The following PSIP1 variants were observed in gnomAD, a reference collection of about 807,000 sequenced individuals.
PSIP1 encodes PC4 and SFRS1-interacting protein.
PSIP1 carries 19 observed loss-of-function variants against 74.7 expected under a neutral mutation model. That is an observed-to-expected ratio of 0.25 (90% CI 0.18 to 0.37). The LOEUF is 0.37. Among genes scored for constraint, PSIP1 ranks in the 10% least tolerant of loss-of-function variants. The pLI, the probability that PSIP1 is intolerant of heterozygous loss-of-function variation, is 1.00. For synonymous variants in PSIP1, 222 were observed against 195.3 expected (o/e 1.14, Z -1.14); for missense variants, 601 against 614.3 (o/e 0.98, Z 0.23).
rs549398356 is a variant in PSIP1 at position 15,486,041 on chromosome 9, T to C, written c.421A>G (p.Thr141Ala). The change falls in exon 6 of 16, where the codon ACT becomes GCT. Residue 141 changes from threonine (T) to alanine (A), a missense_variant. Around this residue, in one of 2 missense-constraint regions of PSIP1, gnomAD observed 538 missense variants for 507.6 expected, o/e 1.06. Coordinates refer to ENST00000380733, the MANE Select transcript of PSIP1 (RefSeq NM_033222.5). ...CTCCCCCTTCTGGCAGCTTTTGGAG[T>C]AGTTATGTCAACTGCTTTAGTCACA... ...EDVTKAVDIT[T>A]PKAARRGRKR... The C allele has an allele frequency of 1.9e-6, 3 of 1,609,754 alleles. No homozygotes were observed. The highest frequency in any genetic ancestry group is 4.5e-5 in the East Asian group (2 of 44,774).
At chr9:15,475,898 A>G (rs900200548) in intron 8 of PSIP1, among the ~76,000 whole-genome samples, 3 of 152,192 alleles carry the variant, frequency 2.0e-5, no homozygotes, top group African/African-American at 7.2e-5. Context: ...ATGTTAATAT[A>G]AGCAAAGACT....
At chr9:15,477,184 A>C (rs1458018110) in intron 8 of PSIP1, among the ~76,000 whole-genome samples, 1 of 152,138 alleles carries the variant, frequency 6.6e-6, no homozygotes, top group Non-Finnish European at 1.5e-5. Flanking sequence ...ATAATAGTTA[A>C]AGTATGTTGT....
At chr9:15,491,472 G>A (rs2036829632) in intron 3 of PSIP1, among the ~76,000 whole-genome samples, 1 of 152,178 alleles carries the variant, frequency 6.6e-6, no homozygotes, top group Non-Finnish European at 1.5e-5. Context: ...ACTGATCTGG[G>A]CTTACAAATA....
chr9:15,482,723 A>C (rs542015935), intron 6 of PSIP1, among the ~76,000 whole-genome samples: 1 of 152,290 alleles, frequency 6.6e-6, no homozygotes, highest in South Asian at 2.1e-4. Context: ...GTCTTTTGTC[A>C]TTTTAACACT....
intron 8 of PSIP1, among the ~76,000 whole-genome samples, chr9:15,478,127 TAAAAAAAA>T (rs570873100): frequency 9.2e-5 from 10 of 108,230 alleles, no homozygotes; most frequent in African/African-American, 3.0e-4. Flanking sequence ...ACCCCATCTT[TAAAAAAAA>T]AAAAAAAAAA....
Position 15,465,595 on chromosome 9 carries a change from G to T in PSIP1, c.1533-15C>A, listed in dbSNP as rs1554652504. 1 of 1,555,942 alleles carries T rather than the reference G, an allele frequency of 6.4e-7. No homozygotes were observed. The highest frequency in any genetic ancestry group is 1.8e-5 in the Admixed American group (1 of 56,110). ...CACTGGATGGCCTGAAGAAAAGGGG[G>T]AAAGGTACAACTGGAATTAGGATTT... On this transcript the variant is annotated splice_polypyrimidine_tract_variant and intron_variant, in intron 15 of 15. Transcript: ENST00000380733.
At chr9:15,500,462 C>T (rs1444952795) in intron 3 of PSIP1, among the ~76,000 whole-genome samples, 2 of 150,644 alleles carry the variant, frequency 1.3e-5, no homozygotes, top group Non-Finnish European at 2.9e-5. Context: ...CAGAGCAAGA[C>T]TCTGTCTCCA....
At position 15,479,155 on chromosome 9, in the gene PSIP1, T is replaced by A. The variant is rs2036228670; in HGVS notation, c.553+436A>T. On this transcript the variant is annotated intron_variant, in intron 7 of 15. Transcript: ENST00000380733. ...CCAATTTGCCAAATTAAGAAAATAC[T>A]TTTAAATAGGCAATGCTGAAGAGAG... 4.6e-5 allele frequency among the ~76,000 whole-genome samples: 7 copies of A among 152,294 alleles called. No homozygotes were observed. The South Asian group carries it at 1.2e-3, about 27-fold the overall frequency.
In PSIP1 at chr9:15,486,021, C is replaced by G. The variant is rs759060429; in HGVS notation, c.441G>C (p.Arg147Ser). The change falls in exon 6 of 16, where the codon AGG (arginine) becomes AGC (serine). Residue 147 changes from arginine (R) to serine (S), a missense_variant. Coordinates refer to ENST00000380733, the MANE Select transcript of PSIP1 (RefSeq NM_033222.5). Reference sequence around the variant, plus strand: ...GTGAAATTACCTTTCTCTTTCTCCCCCTTCTGGCAGCTTTTGGAGTAGTTA... The same window carrying G: ...GTGAAATTACCTTTCTCTTTCTCCCGCTTCTGGCAGCTTTTGGAGTAGTTA... ...VDITTPKAARRGRKRKAEKQV... is the reference protein window; with the variant it reads ...VDITTPKAARSGRKRKAEKQV... 7 of 1,609,450 alleles carry G rather than the reference C, an allele frequency of 4.3e-6. No homozygotes were observed. Among genetic ancestry groups the G allele is most frequent in the Non-Finnish European group, 5.9e-6 (7 of 1,176,528 alleles).
At chr9:15,473,014 T>G (rs1404251683) in intron 9 of PSIP1, among the ~76,000 whole-genome samples, 1 of 152,190 alleles carries the variant, frequency 6.6e-6, no homozygotes, top group Non-Finnish European at 1.5e-5. Flanking sequence ...TCTGTTTGCC[T>G]CTCTACAGAG....
At chr9:15,473,921 AAAAAAC>A in intron 9 of PSIP1, 82 bp downstream of exon 9, 1 of 871,822 alleles carries the variant, frequency 1.1e-6, no homozygotes, top group Non-Finnish European at 1.6e-6. Flanking sequence ...AAAACAAAAA[AAAAAAC>A]AAAAAAAAAA....
At chr9:15,504,102 A>G (rs1390592900) in intron 3 of PSIP1, among the ~76,000 whole-genome samples, 1 of 152,266 alleles carries the variant, frequency 6.6e-6, no homozygotes, top group Non-Finnish European at 1.5e-5. Context: ...CATATGGGGC[A>G]GCACTGCTTT....
intron 8 of PSIP1, among the ~76,000 whole-genome samples, chr9:15,476,028 AAAG>A (rs1199899140): frequency 1.3e-5 from 2 of 152,158 alleles, no homozygotes; most frequent in Non-Finnish European, 1.5e-5. Context: ...TACCCGTGAC[AAAG>A]AAGTAGACGC....
In PSIP1 at chr9:15,466,837, T is replaced by G. The variant is rs1251691193; in HGVS notation, c.1443A>C (p.Gly481=). Residue 481 remains glycine (G), a synonymous_variant, in exon 15 of 16, where the codon GGA becomes GGC. Coordinates refer to ENST00000380733, the MANE Select transcript of PSIP1 (RefSeq NM_033222.5). ...GCTGATTACCATCTTGAGCATCAGATCCTCCATTTAGAGTCTTTGACCCTT... is the reference window on the plus strand; with the variant it reads ...GCTGATTACCATCTTGAGCATCAGAGCCTCCATTTAGAGTCTTTGACCCTT... ...EQTGSKTLNG[G]SDAQDGNQPQ... The G allele has an allele frequency of 6.2e-7, 1 of 1,613,188 alleles. No individual in the cohort carries two copies. The highest frequency in any genetic ancestry group is 1.1e-5 in the South Asian group (1 of 90,822).
chr9:15,510,093 G>A, intron 2 of PSIP1, 24 bp downstream of exon 2: 1 of 1,597,666 alleles, frequency 6.3e-7, no homozygotes, highest in Non-Finnish European at 8.5e-7. Context: ...GCACTGCTAA[G>A]CGCGAGGGCT....
At chr9:15,476,315 GA>G (rs2036075418) in intron 8 of PSIP1, among the ~76,000 whole-genome samples, 2 of 152,204 alleles carry the variant, frequency 1.3e-5, no homozygotes, top group South Asian at 4.1e-4. Flanking sequence ...TTAGGGCTGG[GA>G]GACTGGAAAC....
intron 5 of PSIP1, 83 bp downstream of exon 5, chr9:15,486,744 A>G: frequency 1.1e-6 from 1 of 922,752 alleles, no homozygotes; most frequent in Non-Finnish European, 1.7e-6. Context: ...AAAATTACTT[A>G]CTAATTAATC....
intron 14 of PSIP1, among the ~76,000 whole-genome samples, chr9:15,468,150 C>T (rs1356848806): frequency 8.0e-5 from 12 of 149,674 alleles, no homozygotes; most frequent in African/African-American, 3.0e-4. Flanking sequence ...AAGGACATGG[C>T]ATTAATACTG....
rs1053478541 is a variant in PSIP1 at position 15,470,635 on chromosome 9, G to GTT, written c.978-644_978-643dup. ...AGAACAAAAAATATCTAAAAATCAG[G>GTT]TTTTTTTTTTAAAAAAAACTTTATT... On this transcript the variant is annotated intron_variant, in intron 10 of 15. Coordinates refer to ENST00000380733, the MANE Select transcript of PSIP1 (RefSeq NM_033222.5). 6.7e-6 allele frequency: 6 copies of GTT among 891,052 alleles called. No individual in the cohort carries two copies. In the Admixed American group the frequency reaches 2.6e-4, roughly 38 times the overall value. 55.2% of individuals were successfully genotyped at this position (891,052 alleles called of 1,614,324 possible).
Sources: allele counts gnomAD v4.1 joint callset (sites outside exome capture counted in the v4.1 genomes callset), GRCh38; gene constraint gnomAD v4.1.1; regional missense constraint gnomAD v4.1.1; transcripts MANE v1.5; gene names NCBI Gene and HGNC (gene_info 2026-07-23, HGNC 2026-07-21).